NLK: variants seen among roughly 807,000 people sequenced by gnomAD.
NLK encodes nemo like kinase, also known as serine/threonine-protein kinase NLK.
A neutral mutation model predicts 59.0 loss-of-function variants in NLK; 11 were observed. The ratio of observed to expected loss-of-function variants is 0.19; its 90% CI spans 0.12 to 0.31. NLK has a LOEUF of 0.31. NLK is among the 10% of genes least tolerant of loss of function. The pLI is 1.00. For synonymous variants in NLK, 235 were observed against 235.9 expected (o/e 1.00, Z 0.03); for missense variants, 410 against 661.1 (o/e 0.62, Z 4.16).
chr17:28,102,508 A>G (rs1368508834), intron 1 of NLK, among the ~76,000 whole-genome samples: 3 of 151,900 alleles, frequency 2.0e-5, no homozygotes, highest in Admixed American at 1.3e-4. Flanking sequence ...AATTAGCTGG[A>G]CATGGTGGTG....
chr17:28,078,572 G>A (rs140719185), intron 1 of NLK, among the ~76,000 whole-genome samples: 7 of 152,114 alleles, frequency 4.6e-5, no homozygotes, highest in African/African-American at 1.2e-4. Flanking sequence ...ATTACTACAC[G>A]TGTTCTCATT....
intron 5 of NLK, among the ~76,000 whole-genome samples, chr17:28,167,101 A>C (rs1908266175): frequency 6.6e-6 from 1 of 152,352 alleles, no homozygotes; most frequent in South Asian, 2.1e-4. Context: ...CCATTGCTTT[A>C]AAGAAATTCA....
At position 28,115,028 on chromosome 17, in the gene NLK, G is replaced by C. The variant is rs116136116; in HGVS notation, c.459-7575G>C. Among the ~76,000 whole-genome samples the C allele has an allele frequency of 3.0e-3, 450 of 152,322 alleles. 3 individuals are homozygous for C. Among genetic ancestry groups the C allele is most frequent in the African/African-American group, 0.01 (429 of 41,576 alleles). ...TTATTCAAATTTAGAACCCCATGAT[G>C]TCTGAGGAGAGGATACTGGCTCACT... On this transcript the variant is annotated intron_variant, in intron 1 of 10. Coordinates refer to ENST00000407008, the MANE Select transcript of NLK (RefSeq NM_016231.5).
At chr17:28,071,465 C>G (rs1205082232) in intron 1 of NLK, among the ~76,000 whole-genome samples, 1 of 147,122 alleles carries the variant, frequency 6.8e-6, no homozygotes, top group African/African-American at 2.5e-5. Flanking sequence ...CAGCCTTTGT[C>G]AACCACTCTG....
chr17:28,049,132 TAGTC>T (rs1008007366), intron 1 of NLK, among the ~76,000 whole-genome samples: 7 of 152,210 alleles, frequency 4.6e-5, no homozygotes, highest in African/African-American at 1.4e-4. Context: ...ATGATAGACA[TAGTC>T]AGTAGTTGTA....
intron 1 of NLK, among the ~76,000 whole-genome samples, chr17:28,084,529 A>G (rs1488678939): frequency 6.6e-6 from 1 of 151,692 alleles, no homozygotes; most frequent in Non-Finnish European, 1.5e-5. Context: ...CTGGGCTGTG[A>G]CTTGTCAACG....
chr17:28,105,004 C>T (rs1222184571), intron 1 of NLK, among the ~76,000 whole-genome samples: 2 of 152,132 alleles, frequency 1.3e-5, no homozygotes, highest in East Asian at 1.9e-4. Context: ...TTTTGACTCC[C>T]GTTTTAGTTT....
intron 1 of NLK, among the ~76,000 whole-genome samples, chr17:28,076,922 A>G (rs145163186): frequency 1.4e-3 from 217 of 152,238 alleles, no homozygotes; most frequent in African/African-American, 4.9e-3. Flanking sequence ...AGCTTGTAAG[A>G]TTGACAATTA....
intron 1 of NLK, among the ~76,000 whole-genome samples, chr17:28,119,471 T>C (rs183482362): frequency 1.3e-5 from 2 of 152,346 alleles, no homozygotes; most frequent in African/African-American, 2.4e-5. Flanking sequence ...CTCACCATAA[T>C]AGGGTAACCA....
chr17:28,118,723 A>G (rs552690689), intron 1 of NLK, among the ~76,000 whole-genome samples: 57 of 152,318 alleles, frequency 3.7e-4, no homozygotes, highest in African/African-American at 1.2e-3. Flanking sequence ...TCTCTCTGAA[A>G]AAGGACTTGT....
chr17:28,092,068 T>C (rs2142778951), intron 1 of NLK, among the ~76,000 whole-genome samples: 1 of 152,370 alleles, frequency 6.6e-6, no homozygotes, highest in East Asian at 1.9e-4. Context: ...TTCTTAAATG[T>C]GCTGCCAAAG....
chr17:28,097,433 C>T (rs1904742357), intron 1 of NLK, among the ~76,000 whole-genome samples: 1 of 152,100 alleles, frequency 6.6e-6, no homozygotes, highest in Non-Finnish European at 1.5e-5. Flanking sequence ...GTCAAACTTA[C>T]ATATATTTAT....
chr17:28,186,986 G>A, intron 8 of NLK, among the ~76,000 whole-genome samples: 1 of 152,014 alleles, frequency 6.6e-6, no homozygotes, highest in Non-Finnish European at 1.5e-5. Flanking sequence ...TTGATATTTT[G>A]TGTTATTTGG....
At chr17:28,115,669 C>T (rs534035215) in intron 1 of NLK, among the ~76,000 whole-genome samples, 1 of 151,774 alleles carries the variant, frequency 6.6e-6, no homozygotes, top group South Asian at 2.1e-4. Flanking sequence ...CTTCATCTAT[C>T]CCCCCCATCA....
Position 28,132,646 on chromosome 17 carries a change from A to G in NLK, c.615A>G (p.Gln205=), listed in dbSNP as rs139951624. Residue 205 remains glutamine, a synonymous_variant, in exon 3 of 11, where the codon CAA becomes CAG. Transcript: ENST00000407008. ...DNVLSALDIL[Q]PPHIDYFEEI... Reference sequence around the variant, plus strand: ...TACTCTCTGCCCTTGACATACTCCAACCTCCACACATTGACTATTTTGAAG... The same window carrying G: ...TACTCTCTGCCCTTGACATACTCCAGCCTCCACACATTGACTATTTTGAAG... The G allele has an allele frequency of 1.7e-4, 274 of 1,610,734 alleles. No homozygotes were observed. Among genetic ancestry groups the G allele is most frequent in the Non-Finnish European group, 2.2e-4 (255 of 1,178,364 alleles).
chr17:28,152,252 G>C (rs1907510831), intron 3 of NLK, among the ~76,000 whole-genome samples: 1 of 152,134 alleles, frequency 6.6e-6, no homozygotes, highest in Non-Finnish European at 1.5e-5. Context: ...CTTTGAAAAT[G>C]TAGTCACTGT....
chr17:28,130,537 C>A (rs1906473240), intron 2 of NLK, among the ~76,000 whole-genome samples: 1 of 152,116 alleles, frequency 6.6e-6, no homozygotes, highest in Non-Finnish European at 1.5e-5. Context: ...TTACAAAAAG[C>A]CTCATCAAAT....
chr17:28,160,657 A>G (rs1191022067), intron 3 of NLK, among the ~76,000 whole-genome samples: 2 of 152,190 alleles, frequency 1.3e-5, no homozygotes, highest in Non-Finnish European at 2.9e-5. Flanking sequence ...AATTACTAAG[A>G]TTGTGGAGAG....
At chr17:28,078,480 AG>A (rs1910240085) in intron 1 of NLK, among the ~76,000 whole-genome samples, 1 of 152,182 alleles carries the variant, frequency 6.6e-6, no homozygotes, top group Non-Finnish European at 1.5e-5. Context: ...AACCTGGCCC[AG>A]GAAATTGTTG....
Sources: gnomAD v4.1 joint callset for allele counts (sites outside exome capture counted in the v4.1 genomes callset) on GRCh38, gnomAD v4.1.1 for gene constraint, MANE v1.5 for transcripts, NCBI Gene and HGNC (gene_info 2026-07-23, HGNC 2026-07-21) for gene names.